The following PPM1H variants were observed in gnomAD, a reference collection of about 807,000 sequenced individuals.
PPM1H encodes protein phosphatase, Mg2+/Mn2+ dependent 1H.
Under a neutral mutation model 54.9 loss-of-function variants are expected in PPM1H, and 27 were observed. The ratio of observed to expected loss-of-function variants is 0.49; its 90% CI spans 0.36 to 0.68. The LOEUF is 0.68. Among genes scored for constraint, PPM1H ranks in the 30% least tolerant of loss-of-function variants. PPM1H has a pLI of 0.00. For synonymous variants in PPM1H, 305 were observed against 270.8 expected, an observed-to-expected ratio of 1.13 and a Z score of -1.24; for missense variants, 596 against 667.8, an observed-to-expected ratio of 0.89 and a Z score of 1.19.
At chr12:62,773,634 C>T (rs1396783535) in intron 4 of PPM1H, among the ~76,000 whole-genome samples, 1 of 152,162 alleles carries the variant, frequency 6.6e-6, no homozygotes, top group East Asian at 1.9e-4. Flanking sequence ...CAACTCATTT[C>T]TTGAAGGGTT....
intron 1 of PPM1H, among the ~76,000 whole-genome samples, chr12:62,906,261 T>C (rs1393736880): frequency 6.6e-6 from 1 of 152,236 alleles, no homozygotes; most frequent in Non-Finnish European, 1.5e-5. Context: ...TATATGTTGC[T>C]ACAAACTTAG....
intron 1 of PPM1H, among the ~76,000 whole-genome samples, chr12:62,845,374 T>C (rs992384051): frequency 1.3e-5 from 2 of 152,234 alleles, no homozygotes; most frequent in Admixed American, 6.5e-5. Flanking sequence ...TATACCTCCA[T>C]CCTCTTCTTG....
intron 8 of PPM1H, among the ~76,000 whole-genome samples, chr12:62,678,365 AT>A (rs1186326515): frequency 6.6e-6 from 1 of 152,210 alleles, no homozygotes; most frequent in Non-Finnish European, 1.5e-5. Flanking sequence ...TCAGGAGGGG[AT>A]CAGAGGGCAA....
chr12:62,822,638 T>C (rs1214772220), intron 2 of PPM1H, among the ~76,000 whole-genome samples: 1 of 152,184 alleles, frequency 6.6e-6, no homozygotes, highest in Non-Finnish European at 1.5e-5. Context: ...TGCTCCTGAA[T>C]GACTACTGGG....
At chr12:62,919,363 T>C (rs1358548298) in intron 1 of PPM1H, among the ~76,000 whole-genome samples, 1 of 151,070 alleles carries the variant, frequency 6.6e-6, no homozygotes. Context: ...TCCTAGCCTG[T>C]GGTCCAGGCT....
intron 3 of PPM1H, among the ~76,000 whole-genome samples, chr12:62,792,390 T>C (rs944363202): frequency 3.9e-5 from 6 of 152,228 alleles, no homozygotes. Flanking sequence ...TAGCTCCCCC[T>C]GAATAAGGAA....
At chr12:62,872,829 T>G (rs1462276783) in intron 1 of PPM1H, among the ~76,000 whole-genome samples, 1 of 152,224 alleles carries the variant, frequency 6.6e-6, no homozygotes, top group Non-Finnish European at 1.5e-5. Context: ...AGGAAATTTA[T>G]ATATAAAGTA....
intron 6 of PPM1H, among the ~76,000 whole-genome samples, chr12:62,718,926 T>C (rs2076249540): frequency 6.6e-6 from 1 of 152,182 alleles, no homozygotes; most frequent in Non-Finnish European, 1.5e-5. Flanking sequence ...TGAGAACCAG[T>C]CTGTGATGCA....
chr12:62,783,509 C>T (rs531802780), intron 4 of PPM1H, among the ~76,000 whole-genome samples: 2 of 152,206 alleles, frequency 1.3e-5, no homozygotes, highest in South Asian at 2.1e-4. Flanking sequence ...TGGACAAGAT[C>T]GAACTCCCAG....
intron 1 of PPM1H, among the ~76,000 whole-genome samples, chr12:62,875,876 G>T (rs939965682): frequency 6.6e-6 from 1 of 152,164 alleles, no homozygotes; most frequent in Non-Finnish European, 1.5e-5. Flanking sequence ...CCTCTGTGAA[G>T]GTTCTCATGA....
Position 62,817,380 on chromosome 12 carries a change from T to G in PPM1H, c.411+14734A>C, listed in dbSNP as rs983711776. On this transcript the variant is annotated intron_variant, in intron 2 of 9. Transcript: ENST00000228705. ...AGGAGGCTGAGGCAGGAGAATGGCG[T>G]GAACCTGGCAGGCGGAGCTTGCAGT... is the stretch of plus-strand genomic sequence containing the variant. Among the ~76,000 whole-genome samples the G allele has an allele frequency of 4.2e-4, 64 of 151,122 alleles. 1 individual carries two copies. The highest frequency in any genetic ancestry group is 8.0e-4 in the Non-Finnish European group (54 of 67,880).
At chr12:62,737,229 A>AC (rs577672398) in intron 5 of PPM1H, among the ~76,000 whole-genome samples, 151 of 151,368 alleles carry the variant, frequency 1.0e-3, no homozygotes, top group Middle Eastern at 6.8e-3. Flanking sequence ...AAAAAAAAAA[A>AC]AAACAAAAAA....
intron 1 of PPM1H, among the ~76,000 whole-genome samples, chr12:62,932,725 C>T (rs1282889779): frequency 7.0e-6 from 1 of 143,792 alleles, no homozygotes; most frequent in African/African-American, 2.6e-5. Flanking sequence ...ATCTCTGCCT[C>T]CCGGGTTCAA....
In PPM1H at chr12:62,648,309, A is replaced by G; in HGVS notation, c.*180T>C. ...GCTCTTGTTGAGTTGACCTGTTACT[A>G]AAGAAGAAATGGAAACCAAAGGGTC... On this transcript the variant is annotated 3_prime_UTR_variant, in exon 10 of 10. Transcript: ENST00000228705. 3 of 700,188 alleles carry G rather than the reference A, an allele frequency of 4.3e-6. No homozygotes were observed. The highest frequency in any genetic ancestry group is 6.9e-6 in the Non-Finnish European group (3 of 435,610). 43.4% of individuals were successfully genotyped at this position (700,188 alleles called of 1,614,324 possible).
Position 62,880,423 on chromosome 12 carries a change from C to T in PPM1H, c.246-48144G>A, listed in dbSNP as rs117251187. ...CCCTTGCTGAGCCCCAAGACTAGAT[C>T]GGGGGGCTTCCCCTGCCTGCCAGAA... On this transcript the variant is annotated intron_variant, in intron 1 of 9. Transcript: ENST00000228705. Among the ~76,000 whole-genome samples, 304 of 152,272 alleles carry T rather than the reference C, an allele frequency of 2.0e-3. 6 individuals are homozygous for T. The East Asian group carries it at 0.031, about 15-fold the overall frequency.
At chr12:62,912,239 T>A (rs1871482543) in intron 1 of PPM1H, among the ~76,000 whole-genome samples, 1 of 152,258 alleles carries the variant, frequency 6.6e-6, no homozygotes, top group Non-Finnish European at 1.5e-5. Flanking sequence ...AGTCCCAACT[T>A]ACTGCCTAGG....
chr12:62,832,544 A>C (rs4763039), intron 1 of PPM1H, among the ~76,000 whole-genome samples: 16,912 of 152,258 alleles, frequency 0.11, 1,786 homozygotes, highest in African/African-American at 0.28. Context: ...ATGTGATCAA[A>C]TACACTAATC....
At chr12:62,899,112 G>A (rs1871082207) in intron 1 of PPM1H, among the ~76,000 whole-genome samples, 1 of 152,160 alleles carries the variant, frequency 6.6e-6, no homozygotes, top group African/African-American at 2.4e-5. Flanking sequence ...AATTTATACA[G>A]TATGTTATTA....
At chr12:62,780,759 T>G (rs2120678168) in intron 4 of PPM1H, among the ~76,000 whole-genome samples, 1 of 152,344 alleles carries the variant, frequency 6.6e-6, no homozygotes, top group Middle Eastern at 3.4e-3. Context: ...ACACATTAGA[T>G]GATCAGGCCC....
Sources: gnomAD v4.1 joint callset for allele counts (sites outside exome capture counted in the v4.1 genomes callset) on GRCh38, gnomAD v4.1.1 for gene constraint, MANE v1.5 for transcripts, NCBI Gene and HGNC (gene_info 2026-07-23, HGNC 2026-07-21) for gene names.